TRIO: variants seen among roughly 807,000 people sequenced by gnomAD.
The protein encoded by TRIO is trio Rho guanine nucleotide exchange factor, also known as triple functional domain protein.
In TRIO, 58 loss-of-function variants were observed where a neutral mutation model predicts 351.9. The observed-to-expected ratio is 0.16, with a 90% CI of 0.13 to 0.21. TRIO has a LOEUF of 0.21. TRIO is among the 10% of genes least tolerant of loss of function. The pLI is 1.00. For synonymous variants in TRIO, 1,758 were observed against 1,595.7 expected (o/e 1.10, Z -2.42); for missense variants, 3,201 against 4,027.8 (o/e 0.79, Z 5.56).
intron 34 of TRIO, among the ~76,000 whole-genome samples, chr5:14,423,205 G>A (rs558516879): frequency 3.3e-5 from 5 of 152,312 alleles, no homozygotes; most frequent in South Asian, 4.1e-4. Context: ...GCTGTCTGCC[G>A]TTACCTCAGA....
At chr5:14,198,444 T>C (rs1452948481) in intron 1 of TRIO, among the ~76,000 whole-genome samples, 1 of 152,238 alleles carries the variant, frequency 6.6e-6, no homozygotes. Context: ...TCAGATCATC[T>C]GGTCCAACCT....
intron 31 of TRIO, among the ~76,000 whole-genome samples, chr5:14,402,999 G>A (rs1041404337): frequency 3.3e-5 from 5 of 151,858 alleles, no homozygotes; most frequent in African/African-American, 1.2e-4. Flanking sequence ...GGTGGTGAGG[G>A]TGCAGGTTGT....
chr5:14,492,504 A>G, intron 48 of TRIO, 63 bp from the exon 49 acceptor site: 4 of 1,583,372 alleles, frequency 2.5e-6, no homozygotes, highest in Non-Finnish European at 3.4e-6. Flanking sequence ...AAGGGATTTC[A>G]TGTGATCAGG....
At chr5:14,492,854 A>AGG in intron 49 of TRIO, 40 bp downstream of exon 49, 1 of 1,603,802 alleles carries the variant, frequency 6.2e-7, no homozygotes, top group Non-Finnish European at 8.5e-7. Flanking sequence ...CAGGCAGCAG[A>AGG]GGGAGGGGGC....
chr5:14,369,564 T>A, intron 18 of TRIO, 41 bp downstream of exon 18: 1 of 1,565,948 alleles, frequency 6.4e-7, no homozygotes. Context: ...ATCAGAGGCT[T>A]CCTGCCTGCC....
chr5:14,188,759 A>G (rs1461799148), intron 1 of TRIO, among the ~76,000 whole-genome samples: 5 of 152,200 alleles, frequency 3.3e-5, no homozygotes, highest in African/African-American at 7.2e-5. Flanking sequence ...CTTTCCCACT[A>G]TAATTCTTCA....
chr5:14,285,266 GT>G (rs1736344499), intron 3 of TRIO, among the ~76,000 whole-genome samples: 1 of 152,104 alleles, frequency 6.6e-6, no homozygotes, highest in Non-Finnish European at 1.5e-5. Flanking sequence ...TTCCTAATCA[GT>G]TTTCAGCATT....
rs1249056466 is a variant in TRIO at position 14,386,045 on chromosome 5, C to T, written c.3571-1393C>T. Among the ~76,000 whole-genome samples, 6 of 152,166 alleles carry T rather than the reference C, an allele frequency of 3.9e-5. No individual in the cohort carries two copies. In the East Asian group the frequency reaches 5.8e-4, roughly 15 times the overall value. Reference sequence around the variant, plus strand: ...GTTCTCACAGGAGAAGGACAGACGACGATTGTAAAAAATCACTTGCACCCT... The same window carrying T: ...GTTCTCACAGGAGAAGGACAGACGATGATTGTAAAAAATCACTTGCACCCT... On this transcript the variant is annotated intron_variant, in intron 21 of 56. Coordinates refer to ENST00000344204, the MANE Select transcript of TRIO (RefSeq NM_007118.4).
intron 1 of TRIO, chr5:14,183,650 A>AT: frequency 3.7e-6 from 1 of 271,804 alleles, no homozygotes; most frequent in Non-Finnish European, 6.9e-6. Flanking sequence ...TCAGAGTCTC[A>AT]TTTTTTTCCC....
Position 14,363,969 on chromosome 5 carries a change from AT to A in TRIO, c.2587+43del, listed in dbSNP as rs1744378051. 6 of 1,571,822 alleles carry A rather than the reference AT, an allele frequency of 3.8e-6. No individual in the cohort carries two copies. In the South Asian group the frequency reaches 7.0e-5, roughly 18 times the overall value. On this transcript the variant is annotated intron_variant, in intron 14 of 56. Coordinates refer to ENST00000344204, the MANE Select transcript of TRIO (RefSeq NM_007118.4). Reference sequence around the variant, plus strand: ...CATCTGTGTCCGTTGTGATTTCTTCATGTCGTCATGGCAATTCGGCTTATTT... The same window carrying A: ...CATCTGTGTCCGTTGTGATTTCTTCAGTCGTCATGGCAATTCGGCTTATTT...
chr5:14,498,746 A>G, intron 53 of TRIO, 106 bp downstream of exon 53: 2 of 1,511,842 alleles, frequency 1.3e-6, no homozygotes, highest in African/African-American at 1.4e-5. Context: ...CCTGAAAGAT[A>G]GAACAATAAG....
chr5:14,380,330 T>G (rs1005144764), intron 20 of TRIO, among the ~76,000 whole-genome samples: 8 of 89,792 alleles, frequency 8.9e-5, no homozygotes, highest in African/African-American at 3.0e-4. Flanking sequence ...GCGCCCCGCC[T>G]CCTCCTTCGC....
Position 14,492,589 on chromosome 5 carries a change from A to G in TRIO, c.7655A>G (p.Asn2552Ser). 1 of 1,614,182 alleles carries G rather than the reference A, an allele frequency of 6.2e-7. No individual in the cohort carries two copies. The highest frequency in any genetic ancestry group is 8.5e-7 in the Non-Finnish European group (1 of 1,180,032). Reference protein sequence around the residue: ...SNGSESSSSSNISTMLVTHDY... With the variant: ...SNGSESSSSSSISTMLVTHDY... ...CAGAGTGAAAGCAGCAGCAGTAGCA[A>G]CATCTCCACCATGTTGGTGACACAC... The change falls in exon 49 of 57, where the codon AAC (asparagine) becomes AGC (serine). Residue 2552 changes from asparagine (N) to serine (S), a missense_variant. This residue lies in a region of TRIO where 1,089 missense variants were observed against 954.9 expected (regional missense o/e 1.14). Coordinates refer to ENST00000344204, the MANE Select transcript of TRIO (RefSeq NM_007118.4).
intron 8 of TRIO, among the ~76,000 whole-genome samples, chr5:14,309,374 T>C (rs569434041): frequency 1.3e-5 from 2 of 152,292 alleles, no homozygotes; most frequent in East Asian, 3.9e-4. Flanking sequence ...ACCCACTCCC[T>C]TAACCTGGCA....
Position 14,388,604 on chromosome 5 carries a change from C to T in TRIO, c.3882-9C>T. 1.2e-6 allele frequency: 2 copies of T among 1,611,858 alleles called. No homozygotes were observed. ...TGACTGTACTCCTCACTGTCTTCCTCTCTTTAAGGTTCATAATGGCTGAGC... is the reference window on the plus strand; with the variant it reads ...TGACTGTACTCCTCACTGTCTTCCTTTCTTTAAGGTTCATAATGGCTGAGC... On this transcript the variant is annotated splice_polypyrimidine_tract_variant and intron_variant, in intron 23 of 56. Transcript: ENST00000344204.
chr5:14,297,353 A>G, intron 7 of TRIO, 90 bp downstream of exon 7: 1 of 1,417,212 alleles, frequency 7.1e-7, no homozygotes. Flanking sequence ...ACTCTTGTGT[A>G]GCACATACTG....
At chr5:14,442,645 C>A (rs990182277) in intron 34 of TRIO, among the ~76,000 whole-genome samples, 6 of 152,204 alleles carry the variant, frequency 3.9e-5, no homozygotes, top group African/African-American at 1.4e-4. Flanking sequence ...AAGATGGTGA[C>A]CTCCCTGTCT....
chr5:14,362,324 C>T (rs967530320), intron 13 of TRIO, among the ~76,000 whole-genome samples: 1 of 152,246 alleles, frequency 6.6e-6, no homozygotes, highest in South Asian at 2.1e-4. Flanking sequence ...CATTTTCTTA[C>T]ATCCCCTCAA....
intron 1 of TRIO, among the ~76,000 whole-genome samples, chr5:14,262,166 G>T (rs1795387435): frequency 6.6e-6 from 1 of 152,308 alleles, no homozygotes; most frequent in African/African-American, 2.4e-5. Flanking sequence ...TCCTTTAGGA[G>T]CCCAGCTGCT....
Sources: gnomAD v4.1 joint callset for allele counts (sites outside exome capture counted in the v4.1 genomes callset) on GRCh38, gnomAD v4.1.1 for gene constraint, gnomAD v4.1.1 regional missense constraint, MANE v1.5 for transcripts, NCBI Gene and HGNC (gene_info 2026-07-23, HGNC 2026-07-21) for gene names.